JAKMIP1: variants seen among roughly 807,000 people sequenced by gnomAD.
The protein encoded by JAKMIP1 is janus kinase and microtubule interacting protein 1.
Under a neutral mutation model 113.0 loss-of-function variants are expected in JAKMIP1, and 33 were observed. The ratio of observed to expected loss-of-function variants is 0.29; its 90% CI spans 0.22 to 0.39. The LOEUF is 0.39. Among genes scored for constraint, JAKMIP1 ranks in the 10% least tolerant of loss-of-function variants. The pLI is 1.00. For missense variants in JAKMIP1, 813 were observed against 1,080.5 expected (o/e 0.75, Z 3.47); for synonymous variants, 480 against 459.9 (o/e 1.04, Z -0.56).
In JAKMIP1 at chr4:6,069,032, T is replaced by TA. The variant is rs900542471; in HGVS notation, c.1303-4025dup. ...CTCAATATATTTGTGTCTTTATTAA[T>TA]AAAAAATAGAAACAATATATTAATG... On this transcript the variant is annotated intron_variant, in intron 8 of 20. Coordinates refer to ENST00000409021, the MANE Select transcript of JAKMIP1 (RefSeq NM_001099433.2). This position sits in a 1 kb window ranked among gnomAD's most constrained non-coding sequence, Gnocchi z 4.5. Among the ~76,000 whole-genome samples the TA allele has an allele frequency of 1.3e-5, 2 of 152,108 alleles. No individual in the cohort carries two copies. Among genetic ancestry groups the TA allele is most frequent in the African/African-American group, 4.8e-5 (2 of 41,400 alleles).
chr4:6,042,444 G>A lies in JAKMIP1; in HGVS notation c.2029-217C>T, dbSNP rs573414552. On this transcript the variant is annotated intron_variant, in intron 16 of 20. Transcript: ENST00000409021. This position sits in a 1 kb window ranked among gnomAD's most constrained non-coding sequence, Gnocchi z 5.2. Reference sequence around the variant, plus strand: ...TGCAGGAGGTCTTAGGTGTGAGTGTGACATGTACGTGGTGTGGAAGCTGGA... The same window carrying A: ...TGCAGGAGGTCTTAGGTGTGAGTGTAACATGTACGTGGTGTGGAAGCTGGA... Among the ~76,000 whole-genome samples, 1 of 152,260 alleles carries A rather than the reference G, an allele frequency of 6.6e-6. No homozygotes were observed. The highest frequency in any genetic ancestry group is 1.9e-4 in the East Asian group (1 of 5,160).
At chr4:6,115,117 TA>T (rs545000820) in intron 1 of JAKMIP1, among the ~76,000 whole-genome samples, 1 of 151,714 alleles carries the variant, frequency 6.6e-6, no homozygotes, top group African/African-American at 2.4e-5. Context: ...AAAGGTGAAA[TA>T]AAAAAACAGG....
In JAKMIP1 at chr4:6,042,394, G is replaced by C. The variant is rs962090759; in HGVS notation, c.2029-167C>G. On this transcript the variant is annotated intron_variant, in intron 16 of 20. Coordinates refer to ENST00000409021, the MANE Select transcript of JAKMIP1 (RefSeq NM_001099433.2). This position sits in a 1 kb window ranked among gnomAD's most constrained non-coding sequence, Gnocchi z 5.2. ...TGCCTGATCTGTGGATGGCGTGGTT[G>C]TGTGTGCATGGTCCAGCCTGCATGT... is the stretch of plus-strand genomic sequence containing the variant. Among the ~76,000 whole-genome samples, 7 of 152,186 alleles carry C rather than the reference G, an allele frequency of 4.6e-5. No homozygotes were observed. Among genetic ancestry groups the C allele is most frequent in the African/African-American group, 1.7e-4 (7 of 41,444 alleles).
intron 3 of JAKMIP1, among the ~76,000 whole-genome samples, chr4:6,101,512 CTCTTCT>C (rs1713022828): frequency 6.6e-6 from 1 of 152,014 alleles, no homozygotes; most frequent in African/African-American, 2.4e-5. Context: ...TCCAATTTTT[CTCTTCT>C]TCAAGATTGT....
chr4:6,149,414 C>T (rs773621138), intron 1 of JAKMIP1, among the ~76,000 whole-genome samples: 8 of 152,072 alleles, frequency 5.3e-5, no homozygotes, highest in Non-Finnish European at 1.5e-5. Flanking sequence ...CGCCATCTGT[C>T]GTAGGAGAAA....
chr4:6,087,425 T>C (rs1421417955), intron 3 of JAKMIP1, among the ~76,000 whole-genome samples: 1 of 152,190 alleles, frequency 6.6e-6, no homozygotes, highest in East Asian at 1.9e-4. Flanking sequence ...GTGCCTAGCA[T>C]ATCGCAAGCC....
intron 3 of JAKMIP1, among the ~76,000 whole-genome samples, chr4:6,095,728 T>G (rs1488678532): frequency 6.6e-6 from 1 of 152,028 alleles, no homozygotes; most frequent in Non-Finnish European, 1.5e-5. Context: ...CTCCTGGAAG[T>G]GGAATTAGCA....
At chr4:6,056,936 G>A (rs1335368408) in intron 11 of JAKMIP1, among the ~76,000 whole-genome samples, 177 bp from the exon 12 acceptor site, 2 of 152,122 alleles carry the variant, frequency 1.3e-5, no homozygotes, top group African/African-American at 2.4e-5. Context: ...AAAGAGAAAC[G>A]GCTGGTTTGT....
chr4:6,121,932 G>A (rs531727412), intron 1 of JAKMIP1, among the ~76,000 whole-genome samples: 16 of 152,100 alleles, frequency 1.1e-4, no homozygotes, highest in South Asian at 4.1e-4. Flanking sequence ...TTATACAATC[G>A]TACATACAGC....
rs1477740455 is a variant in JAKMIP1, at chr4:6,067,744, G to GCACACACA, written c.1303-2737_1303-2736insTGTGTGTG. ...GCTCCACGTTCACTCAAGCTCTTCTGCACACGCAGGTCACCCCCCTGAGCT... is the reference window on the plus strand; with the variant it reads ...GCTCCACGTTCACTCAAGCTCTTCTGCACACACACACACGCAGGTCACCCCCCTGAGCT... On this transcript the variant is annotated intron_variant, in intron 8 of 20. Coordinates refer to ENST00000409021, the MANE Select transcript of JAKMIP1 (RefSeq NM_001099433.2). The surrounding 1 kb of genome is among the most constrained non-coding windows in gnomAD (Gnocchi z 4.6). Among the ~76,000 whole-genome samples the GCACACACA allele has an allele frequency of 6.5e-5, 9 of 137,920 alleles. No homozygotes were observed. The highest frequency in any genetic ancestry group is 2.6e-4 in the African/African-American group (9 of 34,926). 90.5% of individuals were successfully genotyped at this position (137,920 alleles called of 152,430 possible). A position where few individuals can be genotyped will look rare whatever the true frequency, so the allele number is the denominator to read the frequency against.
chr4:6,134,840 C>G (rs73795741), intron 1 of JAKMIP1, among the ~76,000 whole-genome samples: 3,013 of 151,264 alleles, frequency 0.02, 101 homozygotes, highest in African/African-American at 0.071. Context: ...CTCTCCCCCA[C>G]CAGAGCCTCA....
chr4:6,127,188 C>T (rs191402031), intron 1 of JAKMIP1, among the ~76,000 whole-genome samples: 2 of 152,288 alleles, frequency 1.3e-5, no homozygotes, highest in East Asian at 1.9e-4. Flanking sequence ...GCCTGGCCAG[C>T]GAGCCCCGTC....
intron 20 of JAKMIP1, among the ~76,000 whole-genome samples, 165 bp downstream of exon 20, chr4:6,029,551 T>G (rs1307100475): frequency 1.3e-5 from 2 of 152,100 alleles, no homozygotes; most frequent in African/African-American, 4.8e-5. Flanking sequence ...AGAAAGGAAT[T>G]TTGAGGAACT....
Position 6,140,266 on chromosome 4 carries a change from T to TC in JAKMIP1, c.-147-27270dup, listed in dbSNP as rs1156323523. Among the ~76,000 whole-genome samples, 1 of 151,282 alleles carries TC rather than the reference T, an allele frequency of 6.6e-6. No homozygotes were observed. Among genetic ancestry groups the TC allele is most frequent in the Non-Finnish European group, 1.5e-5 (1 of 67,826 alleles). On this transcript the variant is annotated intron_variant, in intron 1 of 20. Transcript: ENST00000409021. The surrounding 1 kb of genome is among the most constrained non-coding windows in gnomAD (Gnocchi z 9.4). The stretch of plus-strand genomic sequence containing the variant: ...TTTTTTCCTCTTTTTTTTTTTTTTT[T>TC]CTGTGGGGAGGGACTTTCACCAACA...
rs746299423 is a variant in JAKMIP1 at position 6,076,124 on chromosome 4, C to T, written c.1302+2815G>A. Among the ~76,000 whole-genome samples, 8 of 151,958 alleles carry T rather than the reference C, an allele frequency of 5.3e-5. No homozygotes were observed. Among genetic ancestry groups the T allele is most frequent in the African/African-American group, 1.2e-4 (5 of 41,346 alleles). ...CTGGGAGGCAGAGGTTGCAATGAGC[C>T]GAGATTGTGCCATTGCACTCCAGCC... is the stretch of plus-strand genomic sequence containing the variant. On this transcript the variant is annotated intron_variant, in intron 8 of 20. Transcript: ENST00000409021. This position sits in a 1 kb window ranked among gnomAD's most constrained non-coding sequence, Gnocchi z 4.8.
At chr4:6,122,240 C>T (rs1716816494) in intron 1 of JAKMIP1, among the ~76,000 whole-genome samples, 1 of 152,120 alleles carries the variant, frequency 6.6e-6, no homozygotes, top group South Asian at 2.1e-4. Flanking sequence ...GCAGGAGATT[C>T]GCTTGAACCT....
chr4:6,092,127 C>G (rs1022058590), intron 3 of JAKMIP1, among the ~76,000 whole-genome samples: 1 of 152,146 alleles, frequency 6.6e-6, no homozygotes. Flanking sequence ...CCTTCTACCC[C>G]AGCAACACCC....
intron 20 of JAKMIP1, among the ~76,000 whole-genome samples, chr4:6,028,235 TG>T (rs1712117923): frequency 6.6e-6 from 1 of 152,198 alleles, no homozygotes; most frequent in South Asian, 2.1e-4. Context: ...GAGACCCCCT[TG>T]GGTTCTCAGA....
intron 2 of JAKMIP1, among the ~76,000 whole-genome samples, chr4:6,110,887 C>A (rs529462565): frequency 1.3e-5 from 2 of 151,966 alleles, no homozygotes; most frequent in South Asian, 2.1e-4. Flanking sequence ...AGCCCTTACA[C>A]CCCCAGCCAG....
Sources: gnomAD v4.1 joint callset for allele counts (sites outside exome capture counted in the v4.1 genomes callset) on GRCh38, gnomAD v4.1.1 for gene constraint, Gnocchi (gnomAD v3.1) non-coding constraint, MANE v1.5 for transcripts, NCBI Gene and HGNC (gene_info 2026-07-23, HGNC 2026-07-21) for gene names.